The following ZNF638 variants were observed in gnomAD, a reference collection of about 807,000 sequenced individuals.
The protein encoded by ZNF638 is CTCL tumor antigen se33-1.
A neutral mutation model predicts 195.6 loss-of-function variants in ZNF638; 46 were observed. The ratio of observed to expected loss-of-function variants is 0.24; its 90% CI spans 0.19 to 0.30. The LOEUF (loss-of-function observed/expected upper bound fraction) is 0.30, where lower values mean the gene tolerates loss of function less well. Among genes scored for constraint, ZNF638 ranks in the 10% least tolerant of loss-of-function variants. ZNF638 has a pLI of 1.00. For synonymous variants in ZNF638, 845 were observed against 772.0 expected (o/e 1.09, Z -1.57); for missense variants, 2,440 against 2,325.3 (o/e 1.05, Z -1.01).
chr2:71,336,012 A>G (rs2078660448), intron 1 of ZNF638, among the ~76,000 whole-genome samples: 1 of 152,226 alleles, frequency 6.6e-6, no homozygotes, highest in South Asian at 2.1e-4. Flanking sequence ...CTTTTTATAC[A>G]TTATTTAGAT....
At chr2:71,405,929 A>G (rs1233958857) in intron 18 of ZNF638, among the ~76,000 whole-genome samples, 199 bp from the exon 19 acceptor site, 1 of 152,160 alleles carries the variant, frequency 6.6e-6, no homozygotes, top group Non-Finnish European at 1.5e-5. Flanking sequence ...GAAATATTAT[A>G]CTTCCCATTT....
chr2:71,380,253 CAAAG>C lies in ZNF638; in HGVS notation c.2302_2305del (p.Lys768TyrfsTer6), dbSNP rs1431439780. 6.4e-7 allele frequency: 1 copy of C among 1,569,936 alleles called. No homozygotes were observed. On this transcript the variant is annotated frameshift_variant, in exon 9 of 28. Coordinates refer to ENST00000264447, the MANE Select transcript of ZNF638 (RefSeq NM_014497.5). LOFTEE classifies it high-confidence loss of function. ...GAGGTGAAGAAAAAGACTTTAGAGTCAAAGAAAGTATCTGCATCTACCTTAAAGT... is the reference window on the plus strand; with the variant it reads ...GAGGTGAAGAAAAAGACTTTAGAGTCAAAGTATCTGCATCTACCTTAAAGT...
In ZNF638 at chr2:71,396,096, TG is replaced by T. The variant is rs761629732; in HGVS notation, c.2378-44del. 9.0e-6 allele frequency: 14 copies of T among 1,557,220 alleles called. No individual in the cohort carries two copies. In the South Asian group the frequency reaches 1.6e-4, roughly 18 times the overall value. On this transcript the variant is annotated intron_variant, in intron 10 of 27. Transcript: ENST00000264447. The stretch of plus-strand genomic sequence containing the variant: ...TTGACTTTTAACTAAATCCAAGTGA[TG>T]TTATTTGTAATGTAGTACTTAAATG...
Position 71,348,802 on chromosome 2 carries a change from C to T in ZNF638, c.-153C>T. 1 of 1,577,312 alleles carries T rather than the reference C, an allele frequency of 6.3e-7. No individual in the cohort carries two copies. The highest frequency in any genetic ancestry group is 1.1e-5 in the South Asian group (1 of 87,566). Reference sequence around the variant, plus strand: ...CGCACCACTTGTGAATTCCTTGAACCTGGGCATTGCAAACCCACTTCTGTT... The same window carrying T: ...CGCACCACTTGTGAATTCCTTGAACTTGGGCATTGCAAACCCACTTCTGTT... On this transcript the variant is annotated 5_prime_UTR_variant, in exon 2 of 28. Transcript: ENST00000264447.
At position 71,358,572 on chromosome 2, in the gene ZNF638, G is replaced by C. The variant is rs901508967; in HGVS notation, c.1379+2792G>C. Reference sequence around the variant, plus strand: ...ACTTTTTCCTATTGTGGGGCTTAAGGGTTCTTTCGTTACACAGGTAACTGT... The same window carrying C: ...ACTTTTTCCTATTGTGGGGCTTAAGCGTTCTTTCGTTACACAGGTAACTGT... On this transcript the variant is annotated intron_variant, in intron 3 of 27. Coordinates refer to ENST00000264447, the MANE Select transcript of ZNF638 (RefSeq NM_014497.5). Among the ~76,000 whole-genome samples the C allele has an allele frequency of 5.3e-5, 8 of 152,256 alleles. No homozygotes were observed. In the South Asian group the frequency reaches 8.3e-4, roughly 16 times the overall value.
chr2:71,363,629 C>A (rs1225788643), intron 4 of ZNF638, among the ~76,000 whole-genome samples: 1 of 152,236 alleles, frequency 6.6e-6, no homozygotes, highest in East Asian at 1.9e-4. Context: ...TTCCTAAATT[C>A]TTTACATAAT....
chr2:71,379,624 C>T (rs1410221019), intron 8 of ZNF638: 2 of 152,134 alleles, frequency 1.3e-5, no homozygotes, highest in African/African-American at 4.8e-5. Flanking sequence ...GTTGAAAGTT[C>T]TGGACTTAAT....
At chr2:71,352,346 T>C (rs1007879358) in intron 2 of ZNF638, among the ~76,000 whole-genome samples, 5 of 152,002 alleles carry the variant, frequency 3.3e-5, no homozygotes, top group South Asian at 2.1e-4. Context: ...GGTGTGGTCA[T>C]GCGCACCTGT....
At chr2:71,426,318 A>G in intron 23 of ZNF638, 142 bp from the exon 24 acceptor site, 1 of 615,774 alleles carries the variant, frequency 1.6e-6, no homozygotes, top group Non-Finnish European at 2.7e-6. Flanking sequence ...AAAAAAAACA[A>G]CTCTTAATTT....
chr2:71,378,283 C>T lies in ZNF638; in HGVS notation c.2266-1939C>T, dbSNP rs971619963. 7.8e-4 allele frequency among the ~76,000 whole-genome samples: 119 copies of T among 152,208 alleles called. 1 individual carries two copies. Among genetic ancestry groups the T allele is most frequent in the African/African-American group, 2.8e-3 (117 of 41,538 alleles). On this transcript the variant is annotated intron_variant, in intron 8 of 27. Transcript: ENST00000264447. Reference sequence around the variant, plus strand: ...AAATGTTTCAACTTATACATCGGAACATAGTAGTTTCAAATTTCTTTTAAA... The same window carrying T: ...AAATGTTTCAACTTATACATCGGAATATAGTAGTTTCAAATTTCTTTTAAA...
intron 8 of ZNF638, among the ~76,000 whole-genome samples, chr2:71,370,856 G>T (rs1408449165): frequency 2.6e-5 from 4 of 151,962 alleles, no homozygotes; most frequent in African/African-American, 9.7e-5. Flanking sequence ...TCTTATAATT[G>T]TTTAAAAATG....
At position 71,371,702 on chromosome 2, in the gene ZNF638, G is replaced by GT. The variant is rs55785640; in HGVS notation, c.2265+1708dup. On this transcript the variant is annotated intron_variant, in intron 8 of 27. Transcript: ENST00000264447. The stretch of plus-strand genomic sequence containing the variant: ...CCATTTTTTTTTTATCAGAGTATTA[G>GT]TTTTTTTTTTTCCTGTAAAGTGGCT... Among the ~76,000 whole-genome samples, 39 of 148,510 alleles carry GT rather than the reference G, an allele frequency of 2.6e-4. 1 individual carries two copies. Among genetic ancestry groups the GT allele is most frequent in the African/African-American group, 3.9e-4 (16 of 40,580 alleles).
chr2:71,396,164 T>G lies in ZNF638; in HGVS notation c.2401T>G (p.Ser801Ala), dbSNP rs768759716. Residue 801 changes from serine to alanine, a missense_variant, in exon 11 of 28, where the codon TCT becomes GCT. This residue lies in a region of ZNF638 where 1,883 missense variants were observed against 1,739.1 expected (regional missense o/e 1.08). Coordinates refer to ENST00000264447, the MANE Select transcript of ZNF638 (RefSeq NM_014497.5). ...AGCCAAAACTGGACAAGCCAAGGCA[T>G]CTGTAGCCAAAGTAAACAAATCTAC... The part of the protein sequence containing the change: ...SAAKTGQAKA[S>A]VAKVNKSTGK... The G allele has an allele frequency of 6.2e-7, 1 of 1,613,380 alleles. No individual in the cohort carries two copies.
At chr2:71,408,333 CTG>C (rs1280561883) in intron 20 of ZNF638, 86 bp downstream of exon 20, 1 of 1,432,578 alleles carries the variant, frequency 7.0e-7, no homozygotes, top group Admixed American at 2.5e-5. Flanking sequence ...CAAACTGTTT[CTG>C]TGTTTAGAGA....
At chr2:71,402,389 A>T (rs2080024653) in intron 16 of ZNF638, among the ~76,000 whole-genome samples, 1 of 152,104 alleles carries the variant, frequency 6.6e-6, no homozygotes, top group Non-Finnish European at 1.5e-5. Context: ...TTACTATGTT[A>T]TGTTAATATG....
rs1358815209 is a variant in ZNF638, at chr2:71,401,849, A to T, written c.2698-107A>T. ...CTCTTGAGTTTATCAGACTTTCCTCAGTATTAAATGCAACAATATACTAAT... is the reference window on the plus strand; with the variant it reads ...CTCTTGAGTTTATCAGACTTTCCTCTGTATTAAATGCAACAATATACTAAT... On this transcript the variant is annotated intron_variant, in intron 15 of 27. Transcript: ENST00000264447. The T allele has an allele frequency of 4.2e-6, 4 of 959,578 alleles. No homozygotes were observed. The East Asian group carries it at 1.1e-4, about 27-fold the overall frequency. 59.4% of individuals were successfully genotyped at this position (959,578 alleles called of 1,614,324 possible). A position where few individuals can be genotyped will look rare whatever the true frequency, so the allele number is the denominator to read the frequency against.
At chr2:71,370,164 TCATA>T (rs1242060312) in intron 8 of ZNF638, among the ~76,000 whole-genome samples, 159 bp downstream of exon 8, 1 of 152,242 alleles carries the variant, frequency 6.6e-6, no homozygotes, top group Non-Finnish European at 1.5e-5. Flanking sequence ...TAAAACTTCC[TCATA>T]CATGTATGGT....
chr2:71,364,839 G>C (rs2079168032), intron 5 of ZNF638, among the ~76,000 whole-genome samples: 2 of 152,240 alleles, frequency 1.3e-5, no homozygotes, highest in African/African-American at 4.8e-5. Context: ...GGATCGATTG[G>C]GGTCCTCAAG....
intron 6 of ZNF638, among the ~76,000 whole-genome samples, chr2:71,367,971 TC>T (rs758537929): frequency 2.0e-5 from 3 of 152,186 alleles, no homozygotes; most frequent in Admixed American, 6.5e-5. Flanking sequence ...AGAGATCATT[TC>T]CAATTATTAG....
Sources: gnomAD v4.1 joint callset for allele counts (sites outside exome capture counted in the v4.1 genomes callset) on GRCh38, gnomAD v4.1.1 for gene constraint, gnomAD v4.1.1 regional missense constraint, MANE v1.5 for transcripts, NCBI Gene and HGNC (gene_info 2026-07-23, HGNC 2026-07-21) for gene names.